Variants in GAS2L3 observed in about 807,000 individuals in gnomAD.
The protein encoded by GAS2L3 is GAS2-like protein 3.
Under a neutral mutation model 37.0 loss-of-function variants are expected in GAS2L3, and 28 were observed. The observed-to-expected ratio is 0.76, with a 90% confidence interval of 0.56 to 1.04. The LOEUF (loss-of-function observed/expected upper bound fraction) is 1.04. GAS2L3 is among the 50% of genes least tolerant of loss of function. The pLI is 0.00. For synonymous variants in GAS2L3, 290 were observed against 296.6 expected (o/e 0.98, Z 0.23); for missense variants, 793 against 817.6 (o/e 0.97, Z 0.37).
rs371651349 is a variant in GAS2L3, at chr12:100,623,673, C to G, written c.868C>G (p.Gln290Glu). ...AATATTACAGTTTGCCACATTAGAA[C>G]AAAAAATTTTAGCATTTCAAAAAGG... ...CRILQFATLE[Q>E]KILAFQKGVS... is the part of the protein sequence containing the mutation. The change falls in exon 10 of 10, where the codon CAA becomes GAA. Residue 290 changes from glutamine to glutamate, a missense_variant. Transcript: ENST00000547754. 2.5e-6 allele frequency: 4 copies of G among 1,613,778 alleles called. No homozygotes were observed. Among genetic ancestry groups the G allele is most frequent in the Non-Finnish European group, 3.4e-6 (4 of 1,179,864 alleles).
chr12:100,590,604 T>C (rs565590850), intron 1 of GAS2L3, among the ~76,000 whole-genome samples: 3 of 152,304 alleles, frequency 2.0e-5, no homozygotes, highest in South Asian at 4.1e-4. Flanking sequence ...TCGAAAAAGA[T>C]ACTTGCACAT....
rs939298051 is a variant in GAS2L3, at chr12:100,608,677, G to A, written c.304-3323G>A. 5.3e-5 allele frequency among the ~76,000 whole-genome samples: 8 copies of A among 152,088 alleles called. No individual in the cohort carries two copies. The East Asian group carries it at 9.7e-4, about 18-fold the overall frequency. On this transcript the variant is annotated intron_variant, in intron 5 of 9. Transcript: ENST00000547754. Reference sequence around the variant, plus strand: ...GCTGGGACTACAGGCGCCTGGCACCGTGCCCAGCTGATTTTTTTTGTATTT... The same window carrying A: ...GCTGGGACTACAGGCGCCTGGCACCATGCCCAGCTGATTTTTTTTGTATTT...
In GAS2L3 at chr12:100,601,640, A is replaced by G; in HGVS notation, c.190A>G (p.Ile64Val). 1 of 1,354,370 alleles carries G rather than the reference A, an allele frequency of 7.4e-7. No homozygotes were observed. The highest frequency in any genetic ancestry group is 1.1e-6 in the Non-Finnish European group (1 of 945,352). The allele number at this position is 1,354,370 out of a possible 1,614,324, so 83.9% of individuals were successfully genotyped here. ...TTAACTTTGAAATATGTTTTTAGGT[A>G]TTAAAGTTAAGGCAGAAAAATTATT... ...LSIWLSGLLG[I>V]KVKAEKLLEE... The change falls in exon 5 of 10, where the codon ATT becomes GTT. Residue 64 changes from isoleucine to valine, a missense_variant and splice_region_variant. By Grantham distance (29) the Ile-to-Val change is conservative. Transcript: ENST00000547754.
intron 8 of GAS2L3, among the ~76,000 whole-genome samples, chr12:100,619,981 C>A (rs17030348): frequency 0.16 from 24,380 of 151,940 alleles, 2,844 homozygotes; most frequent in East Asian, 0.48. Flanking sequence ...AACTATTAAA[C>A]CTGGTGCTTT....
chr12:100,604,276 A>T (rs1454926871), intron 5 of GAS2L3, among the ~76,000 whole-genome samples: 1 of 151,574 alleles, frequency 6.6e-6, no homozygotes, highest in Non-Finnish European at 1.5e-5. Flanking sequence ...TCAATTTTTC[A>T]TTAGTGTTTT....
chr12:100,585,789 T>A (rs1327316022), intron 1 of GAS2L3, among the ~76,000 whole-genome samples: 1 of 152,218 alleles, frequency 6.6e-6, no homozygotes, highest in Non-Finnish European at 1.5e-5. Context: ...GTGGAGACTG[T>A]TAGATTCTAG....
rs1441774296 is a variant in GAS2L3, at chr12:100,624,559, C to T, written c.1754C>T (p.Ser585Leu). 2 of 1,614,036 alleles carry T rather than the reference C, an allele frequency of 1.2e-6. No homozygotes were observed. Among genetic ancestry groups the T allele is most frequent in the Non-Finnish European group, 1.7e-6 (2 of 1,180,004 alleles). Reference protein sequence around the residue: ...TQKSKDKNIVSATKKQPQNKS... With the variant: ...TQKSKDKNIVLATKKQPQNKS... The stretch of plus-strand genomic sequence containing the variant: ...AAATCAAAAGATAAGAATATAGTTT[C>T]AGCTACCAAAAAGCAGCCTCAGAAT... The change falls in exon 10 of 10, where the codon TCA becomes TTA. Residue 585 changes from serine (S) to leucine (L), a missense_variant. Ser to Leu is a moderately radical substitution (Grantham distance 145). Coordinates refer to ENST00000547754, the MANE Select transcript of GAS2L3 (RefSeq NM_174942.3).
intron 1 of GAS2L3, among the ~76,000 whole-genome samples, chr12:100,589,130 T>C (rs1419122965): frequency 6.6e-6 from 1 of 152,194 alleles, no homozygotes; most frequent in African/African-American, 2.4e-5. Context: ...TGGGAACTGA[T>C]AAATGTCCAT....
chr12:100,581,975 A>T (rs953289460), intron 1 of GAS2L3, among the ~76,000 whole-genome samples: 1 of 152,252 alleles, frequency 6.6e-6, no homozygotes, highest in African/African-American at 2.4e-5. Flanking sequence ...AACAAGTGGA[A>T]GTAAATTTGT....
rs143447297 is a variant in GAS2L3 at position 100,586,356 on chromosome 12, G to A, written c.-151-5380G>A. ...ATAAAACGAGCCTCAGTAAATTTAG[G>A]AAAATTGAAATTATATCAAGCACTC... On this transcript the variant is annotated intron_variant, in intron 1 of 9. Coordinates refer to ENST00000547754, the MANE Select transcript of GAS2L3 (RefSeq NM_174942.3). Among the ~76,000 whole-genome samples, 1,467 of 152,220 alleles carry A rather than the reference G, an allele frequency of 9.6e-3. 21 individuals carry two copies. Among genetic ancestry groups the A allele is most frequent in the African/African-American group, 0.033 (1,379 of 41,536 alleles).
chr12:100,574,098 T>G (rs1041923638), intron 1 of GAS2L3: 3 of 152,280 alleles, frequency 2.0e-5, no homozygotes, highest in African/African-American at 4.8e-5. Flanking sequence ...CGAGCTCAGC[T>G]GGGGAGGAGG....
chr12:100,601,842 A>G, intron 5 of GAS2L3, 89 bp downstream of exon 5: 1 of 585,964 alleles, frequency 1.7e-6, no homozygotes, highest in Non-Finnish European at 3.0e-6. Flanking sequence ...GTAAACTTCC[A>G]TGCCAACTGG....
intron 1 of GAS2L3, chr12:100,579,651 A>G: frequency 2.6e-6 from 2 of 778,056 alleles, no homozygotes; most frequent in East Asian, 2.4e-5. Flanking sequence ...TCAAGGACAT[A>G]TTTTTCTTAA....
At chr12:100,592,228 C>A (rs1286855159) in intron 2 of GAS2L3, 2 of 152,156 alleles carry the variant, frequency 1.3e-5, no homozygotes, top group African/African-American at 4.8e-5. Context: ...CCTATCCTTG[C>A]AGCTTGTGTA....
chr12:100,598,397 C>T (rs1955941338), intron 3 of GAS2L3, among the ~76,000 whole-genome samples: 1 of 152,072 alleles, frequency 6.6e-6, no homozygotes. Context: ...GATGTTTTTT[C>T]ATGACTAAAC....
intron 9 of GAS2L3, 127 bp from the exon 10 acceptor site, chr12:100,623,435 A>G: frequency 1.5e-6 from 1 of 687,662 alleles, no homozygotes; most frequent in South Asian, 3.0e-5. Flanking sequence ...GTCAATTTGT[A>G]GTGAGGCTGT....
chr12:100,624,253 A>G lies in GAS2L3; in HGVS notation c.1448A>G (p.Asp483Gly). 6.2e-7 allele frequency: 1 copy of G among 1,614,148 alleles called. No individual in the cohort carries two copies. Among genetic ancestry groups the G allele is most frequent in the Non-Finnish European group, 8.5e-7 (1 of 1,180,020 alleles). Residue 483 changes from aspartate (D) to glycine (G), a missense_variant, in exon 10 of 10, where the codon GAT (aspartate) becomes GGT (glycine). Coordinates refer to ENST00000547754, the MANE Select transcript of GAS2L3 (RefSeq NM_174942.3). ...YLKHNHISSR[D>G]NAVSHLAAHS... ...AAACATAATCATATTTCTTCCAGAG[A>G]TAATGCAGTATCTCACTTAGCTGCA...
intron 1 of GAS2L3, among the ~76,000 whole-genome samples, chr12:100,586,280 T>C (rs1369864635): frequency 6.6e-6 from 1 of 152,192 alleles, no homozygotes; most frequent in Non-Finnish European, 1.5e-5. Flanking sequence ...GAATACACAT[T>C]CTGTTCAACA....
chr12:100,576,592 T>A (rs544289707), intron 1 of GAS2L3, among the ~76,000 whole-genome samples: 2 of 152,162 alleles, frequency 1.3e-5, no homozygotes, highest in Non-Finnish European at 2.9e-5. Flanking sequence ...TTGTCTCACA[T>A]TGAGTTTCTT....
Sources: allele counts gnomAD v4.1 joint callset (sites outside exome capture counted in the v4.1 genomes callset), GRCh38; gene constraint gnomAD v4.1.1; transcripts MANE v1.5; gene names NCBI Gene and HGNC (gene_info 2026-07-23, HGNC 2026-07-21).